Variants in DOK5 observed in about 807,000 individuals in gnomAD.
The protein encoded by DOK5 is downstream of tyrosine kinase 5.
A neutral mutation model predicts 43.3 loss-of-function variants in DOK5; 27 were observed. That is an observed-to-expected ratio of 0.62 (90% CI 0.46 to 0.86). DOK5 has a LOEUF of 0.86. Ranked by LOEUF, DOK5 falls within the 40% of genes least tolerant of loss-of-function variation. The pLI is 0.00. For synonymous variants in DOK5, 146 were observed against 140.1 expected, an observed-to-expected ratio of 1.04 and a Z score of -0.30; for missense variants, 373 against 392.9, an observed-to-expected ratio of 0.95 and a Z score of 0.43.
intron 1 of DOK5, among the ~76,000 whole-genome samples, chr20:54,537,367 A>G (rs552632349): frequency 2.2e-4 from 33 of 152,354 alleles, no homozygotes; most frequent in South Asian, 6.2e-4. Context: ...GCTCTCAAAC[A>G]ATGAATGCCA....
intron 1 of DOK5, among the ~76,000 whole-genome samples, chr20:54,526,916 T>C (rs980143505): frequency 1.3e-5 from 2 of 152,118 alleles, no homozygotes; most frequent in African/African-American, 4.8e-5. Flanking sequence ...AACAATGAGG[T>C]TATAGTTATT....
At chr20:54,572,418 T>G (rs1600710035) in intron 2 of DOK5, among the ~76,000 whole-genome samples, 2 of 152,108 alleles carry the variant, frequency 1.3e-5, no homozygotes, top group Admixed American at 6.5e-5. Flanking sequence ...CACCTCGGCC[T>G]CTCAAAGTGC....
At chr20:54,593,104 A>G (rs1305146954) in intron 5 of DOK5, among the ~76,000 whole-genome samples, 2 of 152,084 alleles carry the variant, frequency 1.3e-5, no homozygotes, top group Non-Finnish European at 2.9e-5. Context: ...TAATGAACAA[A>G]GCCCAATTAT....
At chr20:54,481,068 C>CT (rs1255276951) in intron 1 of DOK5, among the ~76,000 whole-genome samples, 9 of 126,380 alleles carry the variant, frequency 7.1e-5, no homozygotes, top group African/African-American at 2.9e-4. Context: ...ATCTATCTAT[C>CT]ATCTATCTAT....
At chr20:54,567,225 C>T (rs1877697234) in intron 2 of DOK5, among the ~76,000 whole-genome samples, 1 of 151,918 alleles carries the variant, frequency 6.6e-6, no homozygotes, top group South Asian at 2.1e-4. Context: ...ATTGTTCATG[C>T]TTTTGGTGTA....
chr20:54,483,163 G>A (rs1213365593), intron 1 of DOK5, among the ~76,000 whole-genome samples: 2 of 152,190 alleles, frequency 1.3e-5, no homozygotes, highest in Non-Finnish European at 2.9e-5. Flanking sequence ...TTTAAGCAGA[G>A]TGGCCAATTT....
At chr20:54,550,633 A>T (rs146882842) in intron 1 of DOK5, among the ~76,000 whole-genome samples, 198 of 152,360 alleles carry the variant, frequency 1.3e-3, no homozygotes, top group African/African-American at 4.3e-3. Flanking sequence ...AAATGCAATC[A>T]TGTAGTATGT....
At chr20:54,569,481 A>G (rs76573896) in intron 2 of DOK5, among the ~76,000 whole-genome samples, 4 of 152,342 alleles carry the variant, frequency 2.6e-5, no homozygotes, top group East Asian at 1.9e-4. Flanking sequence ...GCTAATACCA[A>G]TTCTATTACA....
chr20:54,611,373 A>G (rs150644385), intron 6 of DOK5, among the ~76,000 whole-genome samples: 1 of 152,136 alleles, frequency 6.6e-6, no homozygotes, highest in East Asian at 1.9e-4. Context: ...ACCAGCCTGG[A>G]CAACATGGGG....
chr20:54,618,300 C>T (rs1328514014), intron 6 of DOK5, among the ~76,000 whole-genome samples: 1 of 152,048 alleles, frequency 6.6e-6, no homozygotes, highest in African/African-American at 2.4e-5. Flanking sequence ...GGTTTTAAAG[C>T]TCTTATGTCC....
intron 5 of DOK5, among the ~76,000 whole-genome samples, chr20:54,604,074 G>A (rs1986388870): frequency 6.7e-6 from 1 of 150,310 alleles, no homozygotes; most frequent in African/African-American, 2.5e-5. Context: ...AGCCTCCCGA[G>A]TAGCTGAGAC....
At chr20:54,499,017 C>T (rs1360381898) in intron 1 of DOK5, among the ~76,000 whole-genome samples, 1 of 152,142 alleles carries the variant, frequency 6.6e-6, no homozygotes, top group East Asian at 1.9e-4. Context: ...ACAGGGTAAA[C>T]AGTTACTACC....
chr20:54,529,641 T>A (rs368366415), intron 1 of DOK5, among the ~76,000 whole-genome samples: 68 of 152,378 alleles, frequency 4.5e-4, no homozygotes, highest in African/African-American at 1.6e-3. Flanking sequence ...TACACTGTTG[T>A]GTAACCATCA....
In DOK5 at chr20:54,582,486, A is replaced by G. The variant is rs530787944; in HGVS notation, c.175-5997A>G. Reference sequence around the variant, plus strand: ...AATACACCAACATTTCTTCCAACAAAGAAATACACAAAAAGCCATCTGATC... The same window carrying G: ...AATACACCAACATTTCTTCCAACAAGGAAATACACAAAAAGCCATCTGATC... On this transcript the variant is annotated intron_variant, in intron 2 of 7. Transcript: ENST00000262593. 4.6e-5 allele frequency among the ~76,000 whole-genome samples: 7 copies of G among 151,530 alleles called. No individual in the cohort carries two copies. In the South Asian group the frequency reaches 1.0e-3, roughly 23 times the overall value.
chr20:54,639,769 C>T (rs1555839058), intron 6 of DOK5, among the ~76,000 whole-genome samples: 1 of 152,184 alleles, frequency 6.6e-6, no homozygotes, highest in Non-Finnish European at 1.5e-5. Flanking sequence ...TTCCCGTAGG[C>T]TGATTGAAAT....
In DOK5 at chr20:54,504,892, T is replaced by C. The variant is rs1377828241; in HGVS notation, c.66+28880T>C. On this transcript the variant is annotated intron_variant, in intron 1 of 7. Coordinates refer to ENST00000262593, the MANE Select transcript of DOK5 (RefSeq NM_018431.5). ...GGTGTTTTGGCCATCTCAGTACCCATTGGAGAATTTTGTGTAGCTAAAGAG... is the reference window on the plus strand; with the variant it reads ...GGTGTTTTGGCCATCTCAGTACCCACTGGAGAATTTTGTGTAGCTAAAGAG... 3.3e-5 allele frequency among the ~76,000 whole-genome samples: 5 copies of C among 152,254 alleles called. No homozygotes were observed. The South Asian group carries it at 6.2e-4, about 19-fold the overall frequency.
At chr20:54,494,585 A>G (rs1351292452) in intron 1 of DOK5, among the ~76,000 whole-genome samples, 1 of 152,210 alleles carries the variant, frequency 6.6e-6, no homozygotes, top group Non-Finnish European at 1.5e-5. Flanking sequence ...AGCTTGGCCC[A>G]TGGTTCTCCC....
chr20:54,529,367 C>A (rs1055162169), intron 1 of DOK5, among the ~76,000 whole-genome samples: 1 of 152,044 alleles, frequency 6.6e-6, no homozygotes, highest in African/African-American at 2.4e-5. Flanking sequence ...CTTTATAAAT[C>A]ATGGAATTGT....
chr20:54,517,160 C>G (rs895298016), intron 1 of DOK5, among the ~76,000 whole-genome samples: 2 of 152,044 alleles, frequency 1.3e-5, no homozygotes, highest in African/African-American at 4.8e-5. Flanking sequence ...AGTGTCATGC[C>G]CCTGAGTTTC....
Sources: gnomAD v4.1 joint callset for allele counts (sites outside exome capture counted in the v4.1 genomes callset) on GRCh38, gnomAD v4.1.1 for gene constraint, MANE v1.5 for transcripts, NCBI Gene and HGNC (gene_info 2026-07-23, HGNC 2026-07-21) for gene names.